The following ACACB variants were observed in gnomAD, a reference collection of about 807,000 sequenced individuals.
ACACB encodes acetyl-CoA carboxylase beta.
In ACACB, 209 loss-of-function variants were observed where a neutral mutation model predicts 278.8. The observed-to-expected ratio is 0.75, with a 90% CI of 0.67 to 0.84. The LOEUF (loss-of-function observed/expected upper bound fraction) is 0.84, where lower values mean the gene tolerates loss of function less well. Ranked by LOEUF, ACACB falls within the 40% of genes least tolerant of loss-of-function variation. The probability of loss-of-function intolerance (pLI) is 0.00; values close to 1 mark genes in which losing one functional copy is unlikely to be tolerated. For synonymous variants in ACACB, 1,174 were observed against 1,285.6 expected, an observed-to-expected ratio of 0.91 and a Z score of 1.86; for missense variants, 2,850 against 3,269.0, an observed-to-expected ratio of 0.87 and a Z score of 3.13.
intron 1 of ACACB, among the ~76,000 whole-genome samples, chr12:109,129,758 G>A (rs573471352): frequency 3.3e-5 from 5 of 152,344 alleles, no homozygotes; most frequent in Admixed American, 6.5e-5. Flanking sequence ...GTCCTTGATG[G>A]GGGGATCTGC....
At chr12:109,255,625 T>A (rs2047205902) in intron 44 of ACACB, among the ~76,000 whole-genome samples, 1 of 152,240 alleles carries the variant, frequency 6.6e-6, no homozygotes, top group Non-Finnish European at 1.5e-5. Context: ...TTGCATGGAT[T>A]TAAGTCATCA....
In ACACB at chr12:109,216,918, A is replaced by C. The variant is rs775299699; in HGVS notation, c.3562A>C (p.Ile1188Leu). Residue 1188 changes from isoleucine (I) to leucine (L), a missense_variant and splice_region_variant, in exon 24 of 53, where the codon ATC (isoleucine) becomes CTC (leucine). Ile to Leu is a conservative substitution (Grantham distance 5, BLOSUM62 2). Transcript: ENST00000338432. The part of the protein sequence containing the change: ...AKKNQLVIML[I>L]DELCGPDPSL... The stretch of plus-strand genomic sequence containing the variant: ...GAAGAACCAGCTGGTGATCATGTTG[A>C]TCGTAAGCAGGAAGAGGGCCTGTTA... 4 of 1,613,160 alleles carry C rather than the reference A, an allele frequency of 2.5e-6. No individual in the cohort carries two copies. In the South Asian group the frequency reaches 3.3e-5, roughly 13 times the overall value.
At chr12:109,128,926 CTG>C (rs2042752639) in intron 1 of ACACB, among the ~76,000 whole-genome samples, 1 of 151,946 alleles carries the variant, frequency 6.6e-6, no homozygotes, top group South Asian at 2.1e-4. Context: ...GCATGAGCCA[CTG>C]TGTCTGGTCA....
Position 109,216,887 on chromosome 12 carries a change from G to A in ACACB, c.3531G>A (p.Val1177=). The change falls in exon 24 of 53, where the codon GTG becomes GTA. Residue 1177 remains valine, a synonymous_variant. Transcript: ENST00000338432. ...ACTGCATCTTCTCCCACGCACAGGTGGCCAAGAAGAACCAGCTGGTGATCA... is the reference window on the plus strand; with the variant it reads ...ACTGCATCTTCTCCCACGCACAGGTAGCCAAGAAGAACCAGCTGGTGATCA... The part of the protein sequence containing the change: ...VLDCIFSHAQ[V]AKKNQLVIML... 6.2e-7 allele frequency: 1 copy of A among 1,613,940 alleles called. No homozygotes were observed. The highest frequency in any genetic ancestry group is 8.5e-7 in the Non-Finnish European group (1 of 1,180,026).
Position 109,185,817 on chromosome 12 carries a change from AAG to A in ACACB, c.1980+81_1980+82del. ...GGGGGACCCTGGATGTTAGCCTGGG[AAG>A]AGACACCCACAAGCTATCCAGGCAT... On this transcript the variant is annotated intron_variant, in intron 12 of 52. Transcript: ENST00000338432. 12 of 1,435,358 alleles carry A rather than the reference AAG, an allele frequency of 8.4e-6. No homozygotes were observed. In the South Asian group the frequency reaches 1.7e-4, roughly 21 times the overall value. The allele number at this position is 1,435,358 out of a possible 1,614,324, so 88.9% of individuals were successfully genotyped here.
chr12:109,190,249 C>T (rs751678972), intron 13 of ACACB, among the ~76,000 whole-genome samples: 6 of 152,156 alleles, frequency 3.9e-5, no homozygotes, highest in Admixed American at 6.5e-5. Context: ...CCACCACGCC[C>T]GGCTAGTTTT....
Position 109,246,465 on chromosome 12 carries a change from G to A in ACACB, c.5571+17G>A, listed in dbSNP as rs1240387261. Reference sequence around the variant, plus strand: ...CCCCACAAAGTACGTCGTGAAACTGGCGGGGCAGGGTGATTCTGCTCAGCT... The same window carrying A: ...CCCCACAAAGTACGTCGTGAAACTGACGGGGCAGGGTGATTCTGCTCAGCT... On this transcript the variant is annotated intron_variant, in intron 39 of 52. Transcript: ENST00000338432. 1 of 1,605,128 alleles carries A rather than the reference G, an allele frequency of 6.2e-7. No homozygotes were observed. Among genetic ancestry groups the A allele is most frequent in the Non-Finnish European group, 8.5e-7 (1 of 1,173,226 alleles).
intron 36 of ACACB, chr12:109,241,581 C>T (rs905573030): frequency 2.7e-6 from 1 of 369,602 alleles, no homozygotes. Flanking sequence ...TTCCTGACTT[C>T]AAGTGATCTG....
chr12:109,215,422 C>T (rs2045965987), intron 22 of ACACB, among the ~76,000 whole-genome samples: 1 of 152,010 alleles, frequency 6.6e-6, no homozygotes, highest in Admixed American at 6.6e-5. Flanking sequence ...TGAATCAACT[C>T]CATATCCTTT....
At chr12:109,216,097 C>T (rs1279470204) in intron 22 of ACACB, among the ~76,000 whole-genome samples, 1 of 151,814 alleles carries the variant, frequency 6.6e-6, no homozygotes, top group African/African-American at 2.4e-5. Context: ...CCATGCCTGG[C>T]CTTAATTTTT....
intron 2 of ACACB, among the ~76,000 whole-genome samples, chr12:109,151,001 C>T (rs182823162): frequency 5.5e-4 from 69 of 125,266 alleles, no homozygotes; most frequent in Admixed American, 2.1e-3. Context: ...TTTTTTGAGA[C>T]GGAGTCTCGC....
chr12:109,216,525 T>C (rs948924334), intron 22 of ACACB, 93 bp from the exon 23 acceptor site: 14 of 1,341,970 alleles, frequency 1.0e-5, no homozygotes, highest in African/African-American at 1.5e-5. Context: ...CAGCCAATCC[T>C]TTCTCTTTTT....
At chr12:109,243,200 A>G (rs1346865540) in intron 37 of ACACB, among the ~76,000 whole-genome samples, 2 of 152,180 alleles carry the variant, frequency 1.3e-5, no homozygotes, top group Non-Finnish European at 2.9e-5. Flanking sequence ...TTTAATGGTC[A>G]TTTATTAAGT....
intron 11 of ACACB, among the ~76,000 whole-genome samples, chr12:109,181,943 G>C (rs969658927): frequency 2.2e-5 from 3 of 136,552 alleles, no homozygotes; most frequent in Non-Finnish European, 4.6e-5. Flanking sequence ...CTCACGGTTC[G>C]AACAATTCTC....
chr12:109,254,370 C>T (rs763563094), intron 44 of ACACB, 36 bp downstream of exon 44: 5 of 1,574,750 alleles, frequency 3.2e-6, no homozygotes, highest in East Asian at 2.3e-5. Context: ...GACCTGGTCT[C>T]GGGTTTCTTT....
At chr12:109,257,577 T>G (rs542342869) in intron 45 of ACACB, among the ~76,000 whole-genome samples, 1 of 152,170 alleles carries the variant, frequency 6.6e-6, no homozygotes, top group South Asian at 2.1e-4. Flanking sequence ...TCATTATTAT[T>G]ATTATTATTT....
chr12:109,171,936 A>G, intron 5 of ACACB, 22 bp downstream of exon 5: 1 of 1,589,100 alleles, frequency 6.3e-7, no homozygotes, highest in East Asian at 2.2e-5. Context: ...GGGGTGCCCA[A>G]GTGTGGCCCC....
At chr12:109,165,021 A>G (rs758737795) in intron 2 of ACACB, among the ~76,000 whole-genome samples, 5 of 152,166 alleles carry the variant, frequency 3.3e-5, no homozygotes, top group Non-Finnish European at 7.3e-5. Flanking sequence ...GGTGATGGTG[A>G]TAAGGAAGCC....
intron 27 of ACACB, among the ~76,000 whole-genome samples, chr12:109,226,020 C>A (rs1188552469): frequency 6.6e-6 from 1 of 151,952 alleles, no homozygotes; most frequent in Middle Eastern, 3.2e-3. Context: ...GTAATCCCAG[C>A]TCTTTAGGAG....
Sources: gnomAD v4.1 joint callset for allele counts (sites outside exome capture counted in the v4.1 genomes callset) on GRCh38, gnomAD v4.1.1 for gene constraint, MANE v1.5 for transcripts, NCBI Gene and HGNC (gene_info 2026-07-23, HGNC 2026-07-21) for gene names.